Variants in RASSF3 observed in about 807,000 individuals in gnomAD.
RASSF3 encodes Ras association domain family member 3.
In RASSF3, 19 loss-of-function variants were observed where a neutral mutation model predicts 19.9. The observed-to-expected ratio is 0.96, with a 90% CI of 0.67 to 1.40. RASSF3 has a LOEUF of 1.40. Among genes scored for constraint, RASSF3 ranks in the 40% most tolerant of loss-of-function variants. The probability of loss-of-function intolerance (pLI) is 0.00; values close to 1 mark genes in which losing one functional copy is unlikely to be tolerated. For synonymous variants in RASSF3, 110 were observed against 104.2 expected (o/e 1.06, Z -0.34); for missense variants, 306 against 289.8 (o/e 1.06, Z -0.41).
intron 1 of RASSF3, chr12:64,541,436 T>C (rs770731276): frequency 1.8e-4 from 73 of 395,316 alleles, no homozygotes; most frequent in Non-Finnish European, 2.8e-4. Context: ...TGTGAACAGA[T>C]GGGCCCCACA....
intron 1 of RASSF3, among the ~76,000 whole-genome samples, chr12:64,660,012 A>ATG (rs1173618990): frequency 4.4e-5 from 5 of 114,008 alleles, no homozygotes; most frequent in South Asian, 3.1e-4. Context: ...GCGTGTATAT[A>ATG]TATGTGTGTG....
intron 3 of RASSF3, 106 bp from the exon 4 acceptor site, chr12:64,691,364 G>T: frequency 1.4e-6 from 1 of 733,442 alleles, no homozygotes; most frequent in South Asian, 1.5e-5. Flanking sequence ...TTAGAGGCTG[G>T]GGTAACTTGG....
chr12:64,647,732 T>A (rs981908174), intron 1 of RASSF3, among the ~76,000 whole-genome samples: 1 of 151,412 alleles, frequency 6.6e-6, no homozygotes, highest in Non-Finnish European at 1.5e-5. Flanking sequence ...TTTTTTTTTA[T>A]AGAGACAGGG....
intron 2 of RASSF3, among the ~76,000 whole-genome samples, chr12:64,598,846 G>A (rs780880562): frequency 2.7e-5 from 4 of 150,900 alleles, no homozygotes; most frequent in Non-Finnish European, 4.4e-5. Flanking sequence ...CCATTAACTC[G>A]TCATTTACAT....
At chr12:64,581,145 A>G (rs1160106518) in intron 2 of RASSF3, among the ~76,000 whole-genome samples, 1 of 151,846 alleles carries the variant, frequency 6.6e-6, no homozygotes, top group Non-Finnish European at 1.5e-5. Flanking sequence ...GCTTATAAAC[A>G]CTGATTTAAG....
At position 64,677,415 on chromosome 12, in the gene RASSF3, A is replaced by G. The variant is rs190039593; in HGVS notation, c.112-7372A>G. ...TTTTAAAACAATTTTTTGTAGGTGC[A>G]TACCATCATACCCAGCTATTTCTAT... On this transcript the variant is annotated intron_variant, in intron 1 of 4. Coordinates refer to ENST00000542104, the MANE Select transcript of RASSF3 (RefSeq NM_178169.4). Among the ~76,000 whole-genome samples, 105 of 152,242 alleles carry G rather than the reference A, an allele frequency of 6.9e-4. 1 individual carries two copies. The Middle Eastern group carries it at 0.021, about 30-fold the overall frequency.
intron 1 of RASSF3, among the ~76,000 whole-genome samples, chr12:64,633,153 T>G (rs528478713): frequency 6.6e-6 from 1 of 152,370 alleles, no homozygotes; most frequent in South Asian, 2.1e-4. Flanking sequence ...TGACAGGGAC[T>G]AGCTGGTTAT....
At chr12:64,634,143 A>G (rs557703078) in intron 1 of RASSF3, among the ~76,000 whole-genome samples, 27 of 152,198 alleles carry the variant, frequency 1.8e-4, no homozygotes, top group Non-Finnish European at 3.2e-4. Flanking sequence ...GCAAACAAAC[A>G]AGAATTGTGT....
At chr12:64,579,412 C>T (rs972375919) in intron 2 of RASSF3, among the ~76,000 whole-genome samples, 2 of 133,476 alleles carry the variant, frequency 1.5e-5, no homozygotes, top group African/African-American at 2.9e-5. Context: ...AGTGCCGTGG[C>T]GCGATCTCAG....
At chr12:64,690,845 T>C (rs936129848) in intron 3 of RASSF3, among the ~76,000 whole-genome samples, 5 of 151,612 alleles carry the variant, frequency 3.3e-5, no homozygotes, top group Non-Finnish European at 7.4e-5. Context: ...TTGCCTTTTT[T>C]TTTTCATTTA....
intron 1 of RASSF3, among the ~76,000 whole-genome samples, chr12:64,682,250 A>G (rs1423744689): frequency 6.6e-6 from 1 of 152,104 alleles, no homozygotes; most frequent in East Asian, 1.9e-4. Flanking sequence ...CTTCACCAGG[A>G]TGGTGCTGAC....
rs1034884909 is a variant in RASSF3, at chr12:64,559,642, C to A, written c.294+17937C>A. 8.5e-5 allele frequency among the ~76,000 whole-genome samples: 13 copies of A among 152,154 alleles called. 1 individual carries two copies. Among genetic ancestry groups the A allele is most frequent in the African/African-American group, 3.1e-4 (13 of 41,440 alleles). On this transcript the variant is annotated intron_variant, in intron 2 of 5. Transcript: ENST00000637125. Reference sequence around the variant, plus strand: ...TGCCAGGGCAACTCAAGCATTTCCACTTTTCTCAGCATGGCCTAATATTGC... The same window carrying A: ...TGCCAGGGCAACTCAAGCATTTCCAATTTTCTCAGCATGGCCTAATATTGC...
chr12:64,593,165 A>G (rs1382544762), intron 2 of RASSF3, among the ~76,000 whole-genome samples: 7 of 152,190 alleles, frequency 4.6e-5, no homozygotes. Context: ...CACAATCAAG[A>G]TTAGTTCCTG....
chr12:64,558,641 T>C (rs1320035799), intron 2 of RASSF3, among the ~76,000 whole-genome samples: 1 of 152,252 alleles, frequency 6.6e-6, no homozygotes, highest in African/African-American at 2.4e-5. Flanking sequence ...TTGAAATGAC[T>C]GAGGATTCCC....
intron 2 of RASSF3, among the ~76,000 whole-genome samples, chr12:64,570,644 G>C (rs1407186154): frequency 1.3e-5 from 2 of 152,130 alleles, no homozygotes; most frequent in Non-Finnish European, 2.9e-5. Flanking sequence ...CAAAAACAAA[G>C]GGAAAAATTG....
upstream of RASSF3, among the ~76,000 whole-genome samples, chr12:64,531,698 C>T (rs897304129): frequency 3.3e-5 from 5 of 152,206 alleles, no homozygotes; most frequent in African/African-American, 9.6e-5. Context: ...TGTGATTCCA[C>T]GGCCTCCCTC....
At chr12:64,558,585 G>T (rs193174753) in intron 2 of RASSF3, among the ~76,000 whole-genome samples, 1 of 152,144 alleles carries the variant, frequency 6.6e-6, no homozygotes, top group Non-Finnish European at 1.5e-5. Context: ...AAGGGCTGGC[G>T]TAACTCAAGG....
chr12:64,575,461 G>C (rs2136132123), intron 2 of RASSF3, among the ~76,000 whole-genome samples: 1 of 152,276 alleles, frequency 6.6e-6, no homozygotes, highest in South Asian at 2.1e-4. Context: ...GCTGAGGTAG[G>C]AGGATCACTT....
At chr12:64,542,497 C>T (rs1456984860), downstream of RASSF3, among the ~76,000 whole-genome samples, 1 of 152,196 alleles carries the variant, frequency 6.6e-6, no homozygotes, top group Non-Finnish European at 1.5e-5. Context: ...GCTGAGAGAC[C>T]AGAAGGGAAG....
Sources: allele counts gnomAD v4.1 joint callset (sites outside exome capture counted in the v4.1 genomes callset), GRCh38; gene constraint gnomAD v4.1.1; transcripts MANE v1.5; gene names NCBI Gene and HGNC (gene_info 2026-07-23, HGNC 2026-07-21).